The following CAMKMT variants were observed in gnomAD, a reference collection of about 807,000 sequenced individuals.
The protein encoded by CAMKMT is calmodulin-lysine N-methyltransferase, also known as CaM KMT.
CAMKMT carries 53 observed loss-of-function variants against 48.0 expected under a neutral mutation model. The observed-to-expected ratio is 1.10, with a 90% CI of 0.89 to 1.39. CAMKMT has a LOEUF of 1.39. CAMKMT is among the 40% of genes most tolerant of loss of function. CAMKMT has a pLI of 0.00. For missense variants in CAMKMT, 428 were observed against 402.7 expected (o/e 1.06, Z -0.54); for synonymous variants, 165 against 152.3 (o/e 1.08, Z -0.61).
At chr2:44,600,882 T>C (rs1484545310) in intron 3 of CAMKMT, among the ~76,000 whole-genome samples, 2 of 152,062 alleles carry the variant, frequency 1.3e-5, no homozygotes, top group Non-Finnish European at 2.9e-5. Context: ...TTGAGTAGAC[T>C]CGGGAATTTA....
chr2:44,583,232 G>A (rs901806550), intron 3 of CAMKMT, among the ~76,000 whole-genome samples: 4 of 152,226 alleles, frequency 2.6e-5, no homozygotes, highest in African/African-American at 9.6e-5. Flanking sequence ...TAGCTATGAG[G>A]CATGGTGGGA....
chr2:44,707,182 T>A (rs1160720227), intron 5 of CAMKMT, among the ~76,000 whole-genome samples: 1 of 151,964 alleles, frequency 6.6e-6, no homozygotes, highest in Non-Finnish European at 1.5e-5. Context: ...AACAGAATGA[T>A]AGCAAGATAG....
chr2:44,403,775 A>C (rs1682592989), intron 3 of CAMKMT, among the ~76,000 whole-genome samples: 3 of 152,212 alleles, frequency 2.0e-5, no homozygotes, highest in African/African-American at 7.2e-5. Flanking sequence ...AGGTAATAAA[A>C]TTTTTAATAC....
intron 3 of CAMKMT, among the ~76,000 whole-genome samples, chr2:44,643,411 A>G (rs1673556951): frequency 6.6e-6 from 1 of 152,218 alleles, no homozygotes; most frequent in Non-Finnish European, 1.5e-5. Context: ...AAGTTATCCA[A>G]ATGAATGGAA....
chr2:44,647,982 T>C (rs1468725833), intron 3 of CAMKMT, among the ~76,000 whole-genome samples: 1 of 151,132 alleles, frequency 6.6e-6, no homozygotes, highest in Non-Finnish European at 1.5e-5. Flanking sequence ...ACTACACCAT[T>C]ATCTGTATTA....
chr2:44,442,014 G>T (rs914776674), intron 3 of CAMKMT, among the ~76,000 whole-genome samples: 4 of 152,198 alleles, frequency 2.6e-5, no homozygotes, highest in Non-Finnish European at 4.4e-5. Flanking sequence ...TTAAAGAAAA[G>T]TTATTAGGCT....
chr2:44,380,008 C>T (rs1024638364), intron 2 of CAMKMT, among the ~76,000 whole-genome samples: 2 of 151,850 alleles, frequency 1.3e-5, no homozygotes, highest in African/African-American at 4.8e-5. Context: ...TCTATTTTTT[C>T]ATTTGTTATC....
At position 44,715,360 on chromosome 2, in the gene CAMKMT, T is replaced by C. The variant is rs528094381; in HGVS notation, c.623+7T>C. On this transcript the variant is annotated splice_region_variant and intron_variant, in intron 7 of 10. Coordinates refer to ENST00000378494, the MANE Select transcript of CAMKMT (RefSeq NM_024766.5). ...CCCAGAAAATATCAAGCTGGTAAGA[T>C]ACCTTTCTGCATTAAAAAATTCCCA... The C allele has an allele frequency of 3.7e-6, 6 of 1,606,236 alleles. No individual in the cohort carries two copies. The highest frequency in any genetic ancestry group is 2.2e-5 in the East Asian group (1 of 44,786).
intron 3 of CAMKMT, among the ~76,000 whole-genome samples, chr2:44,481,125 G>A (rs1668945676): frequency 6.6e-6 from 1 of 151,988 alleles, no homozygotes; most frequent in Admixed American, 6.6e-5. Context: ...GGATGTGAAA[G>A]GAAACAGAAT....
chr2:44,617,188 A>C (rs973501710), intron 3 of CAMKMT, among the ~76,000 whole-genome samples: 1 of 152,240 alleles, frequency 6.6e-6, no homozygotes, highest in Admixed American at 6.5e-5. Context: ...TTCATCTGCT[A>C]TGTGGTGAGA....
At chr2:44,658,944 T>C (rs1674523360) in intron 3 of CAMKMT, among the ~76,000 whole-genome samples, 1 of 152,144 alleles carries the variant, frequency 6.6e-6, no homozygotes, top group African/African-American at 2.4e-5. Flanking sequence ...ATACTATAGT[T>C]TGCCCTCACT....
At chr2:44,488,424 A>G (rs1366479552) in intron 3 of CAMKMT, among the ~76,000 whole-genome samples, 1 of 152,196 alleles carries the variant, frequency 6.6e-6, no homozygotes, top group Non-Finnish European at 1.5e-5. Flanking sequence ...GAATCGCTTG[A>G]ACCCAGGAGG....
chr2:44,492,150 T>C (rs189528029), intron 3 of CAMKMT, among the ~76,000 whole-genome samples: 281 of 152,226 alleles, frequency 1.8e-3, no homozygotes, highest in African/African-American at 6.5e-3. Flanking sequence ...AATGAAATTA[T>C]GTCCCTTATA....
At position 44,606,328 on chromosome 2, in the gene CAMKMT, A is replaced by G. The variant is rs139197289; in HGVS notation, c.377-97955A>G. On this transcript the variant is annotated intron_variant, in intron 3 of 10. Coordinates refer to ENST00000378494, the MANE Select transcript of CAMKMT (RefSeq NM_024766.5). ...TCAGAGAAATGGATTGGCTGAAACG[A>G]TTACCTCTCAAAATGACAAATATCT... Among the ~76,000 whole-genome samples, 205 of 152,306 alleles carry G rather than the reference A, an allele frequency of 1.3e-3. 2 individuals carry two copies. Among genetic ancestry groups the G allele is most frequent in the African/African-American group, 4.5e-3 (188 of 41,580 alleles).
At chr2:44,389,962 C>T (rs1025497756) in intron 2 of CAMKMT, among the ~76,000 whole-genome samples, 2 of 152,080 alleles carry the variant, frequency 1.3e-5, no homozygotes, top group Admixed American at 6.6e-5. Flanking sequence ...TTAAGAACTT[C>T]CCTTTACATA....
At chr2:44,387,531 GAGGT>G (rs1278176274) in intron 2 of CAMKMT, among the ~76,000 whole-genome samples, 2 of 152,112 alleles carry the variant, frequency 1.3e-5, no homozygotes, top group Non-Finnish European at 2.9e-5. Context: ...ATCGAAATGT[GAGGT>G]ACCCTTGCAT....
chr2:44,739,200 T>G (rs958877281), intron 7 of CAMKMT, among the ~76,000 whole-genome samples: 6 of 152,224 alleles, frequency 3.9e-5, no homozygotes, highest in African/African-American at 1.4e-4. Flanking sequence ...TGAGCAGAGA[T>G]TGTTGGATGA....
At chr2:44,463,992 C>T (rs1223294203) in intron 3 of CAMKMT, among the ~76,000 whole-genome samples, 6 of 151,944 alleles carry the variant, frequency 3.9e-5, no homozygotes, top group South Asian at 2.1e-4. Context: ...TAACTGACTC[C>T]GAAGAAACAG....
chr2:44,706,007 G>GA (rs1558807840), intron 4 of CAMKMT, among the ~76,000 whole-genome samples: 1 of 151,952 alleles, frequency 6.6e-6, no homozygotes, highest in African/African-American at 2.4e-5. Context: ...ATTGACAAGG[G>GA]AAAAAAAGGG....
Sources: allele counts gnomAD v4.1 joint callset (sites outside exome capture counted in the v4.1 genomes callset), GRCh38; gene constraint gnomAD v4.1.1; transcripts MANE v1.5; gene names NCBI Gene and HGNC (gene_info 2026-07-23, HGNC 2026-07-21).